The following ACTR3C variants were observed in gnomAD, a reference collection of about 807,000 sequenced individuals.
ACTR3C encodes actin related protein 3C.
Under a neutral mutation model 26.3 loss-of-function variants are expected in ACTR3C, and 18 were observed. The ratio of observed to expected loss-of-function variants is 0.68; its 90% CI spans 0.47 to 1.01. The LOEUF (loss-of-function observed/expected upper bound fraction) is 1.01. Among genes scored for constraint, ACTR3C ranks in the 50% least tolerant of loss-of-function variants. ACTR3C has a pLI of 0.00. For synonymous variants in ACTR3C, 55 were observed against 94.5 expected, an observed-to-expected ratio of 0.58 and a Z score of 2.42; for missense variants, 184 against 250.7, an observed-to-expected ratio of 0.73 and a Z score of 1.80.
the ACTR3C span, among the ~76,000 whole-genome samples, chr7:150,205,696 C>T: frequency 1.2e-4 from 19 of 152,194 alleles, no homozygotes. Context: ...GCCACAAAGC[C>T]TCATAGATAC....
chr7:150,306,719 T>C (rs1409515321), intron 1 of ACTR3C, among the ~76,000 whole-genome samples: 1 of 152,202 alleles, frequency 6.6e-6, no homozygotes, highest in Non-Finnish European at 1.5e-5. Flanking sequence ...GGTGAACACC[T>C]CAGACCCAAA....
the ACTR3C span, among the ~76,000 whole-genome samples, chr7:150,042,845 TTC>T: frequency 1.3e-5 from 2 of 150,950 alleles, no homozygotes; most frequent in African/African-American, 2.5e-5. Flanking sequence ...CTGCCATCTT[TTC>T]TCTCTCTGAC....
At chr7:150,191,188 G>A in the ACTR3C span, among the ~76,000 whole-genome samples, 212 of 152,238 alleles carry the variant, frequency 1.4e-3, no homozygotes, top group Non-Finnish European at 6.5e-4. Context: ...TTCCAATTTT[G>A]TGGGTAGCTA....
the ACTR3C span, among the ~76,000 whole-genome samples, chr7:150,022,093 G>A: frequency 6.6e-6 from 1 of 151,704 alleles, no homozygotes; most frequent in African/African-American, 2.4e-5. Flanking sequence ...AAGCAGTGTA[G>A]AAGTGCTCCC....
chr7:150,315,816 C>T (rs866036013), intron 1 of ACTR3C, among the ~76,000 whole-genome samples: 6 of 148,718 alleles, frequency 4.0e-5, no homozygotes, highest in Middle Eastern at 3.4e-3. Context: ...GACACAAACA[C>T]TCCCAACACT....
the ACTR3C span, among the ~76,000 whole-genome samples, chr7:150,140,336 A>G: frequency 6.6e-6 from 1 of 152,280 alleles, no homozygotes; most frequent in African/African-American, 2.4e-5. Context: ...TTTTTGTCCA[A>G]CTAAAACTAG....
chr7:150,211,577 G>A, the ACTR3C span, among the ~76,000 whole-genome samples: 28 of 149,412 alleles, frequency 1.9e-4, no homozygotes, highest in African/African-American at 7.7e-5. Flanking sequence ...CACCATGCCC[G>A]GCCCATGGTT....
intron 6 of ACTR3C, among the ~76,000 whole-genome samples, chr7:150,250,208 T>A (rs1357711379): frequency 2.2e-5 from 3 of 139,356 alleles, no homozygotes; most frequent in Non-Finnish European, 4.5e-5. Flanking sequence ...CTGACTTTTT[T>A]TTTTTTTTTT....
At chr7:150,011,661 C>T in the ACTR3C span, among the ~76,000 whole-genome samples, 1 of 152,088 alleles carries the variant, frequency 6.6e-6, no homozygotes, top group Admixed American at 6.5e-5. Context: ...AAAGCCATGG[C>T]TTCTTTTTTA....
At chr7:150,186,090 G>A in the ACTR3C span, among the ~76,000 whole-genome samples, 3 of 152,130 alleles carry the variant, frequency 2.0e-5, no homozygotes, top group Admixed American at 2.0e-4. Flanking sequence ...AGCTCAGTCT[G>A]CACAGGCAAG....
chr7:150,050,829 G>A, the ACTR3C span, among the ~76,000 whole-genome samples: 1 of 151,656 alleles, frequency 6.6e-6, no homozygotes, highest in East Asian at 1.9e-4. Context: ...TGTTCTGGCC[G>A]GGCGCGGTGG....
the ACTR3C span, among the ~76,000 whole-genome samples, chr7:149,889,617 G>C: frequency 6.6e-6 from 1 of 152,172 alleles, no homozygotes; most frequent in Non-Finnish European, 1.5e-5. Context: ...AGTTATGTCT[G>C]CCAGCACAAA....
chr7:150,036,076 G>C, the ACTR3C span, among the ~76,000 whole-genome samples: 1 of 66,482 alleles, frequency 1.5e-5, no homozygotes. Context: ...CGTCGCGAGG[G>C]GTGCTCCCCC....
chr7:150,154,634 C>A, the ACTR3C span, among the ~76,000 whole-genome samples: 2 of 152,164 alleles, frequency 1.3e-5, no homozygotes, highest in African/African-American at 2.4e-5. Flanking sequence ...AGTCATAGAG[C>A]TTTGACTCAT....
the ACTR3C span, among the ~76,000 whole-genome samples, chr7:149,957,571 A>AC: frequency 3.9e-5 from 6 of 152,198 alleles, no homozygotes; most frequent in Non-Finnish European, 5.9e-5. Context: ...TGAGACTTGC[A>AC]CCAGTGGCAC....
chr7:150,177,376 T>G, the ACTR3C span, among the ~76,000 whole-genome samples: 3 of 150,804 alleles, frequency 2.0e-5, no homozygotes, highest in Middle Eastern at 3.2e-3. Flanking sequence ...GATTATATAT[T>G]GTCTCTAAGA....
chr7:149,985,548 C>G, the ACTR3C span, among the ~76,000 whole-genome samples: 1 of 152,208 alleles, frequency 6.6e-6, no homozygotes, highest in African/African-American at 2.4e-5. Context: ...CAAGGCACCA[C>G]AGAGCTAAGT....
the ACTR3C span, among the ~76,000 whole-genome samples, chr7:150,142,677 C>T: frequency 1.3e-5 from 2 of 149,448 alleles, no homozygotes; most frequent in Admixed American, 6.7e-5. Context: ...TACAGACGCC[C>T]ACCACCACAC....
chr7:150,181,446 G>T, the ACTR3C span, among the ~76,000 whole-genome samples: 1 of 150,752 alleles, frequency 6.6e-6, no homozygotes. Context: ...ACTTAGCTAG[G>T]CTTGGTAGCA....
Sources: gnomAD v4.1 joint callset for allele counts (sites outside exome capture counted in the v4.1 genomes callset) on GRCh38, gnomAD v4.1.1 for gene constraint, MANE v1.5 for transcripts, NCBI Gene and HGNC (gene_info 2026-07-23, HGNC 2026-07-21) for gene names.